Variants in HMMR observed in about 807,000 individuals in gnomAD.
HMMR encodes the protein intracellular hyaluronic acid-binding protein.
HMMR carries 108 observed loss-of-function variants against 101.0 expected under a neutral mutation model. The ratio of observed to expected loss-of-function variants is 1.07; its 90% CI spans 0.92 to 1.25. The LOEUF (loss-of-function observed/expected upper bound fraction) is 1.25. HMMR is among the 50% of genes most tolerant of loss of function. The probability of loss-of-function intolerance (pLI) is 0.00; values close to 1 mark genes in which losing one functional copy is unlikely to be tolerated. For synonymous variants in HMMR, 296 were observed against 276.4 expected (o/e 1.07, Z -0.70); for missense variants, 813 against 788.7 (o/e 1.03, Z -0.37).
chr5:163,490,624 C>A (rs1759662128), intron 17 of HMMR, 72 bp downstream of exon 17: 2 of 1,157,284 alleles, frequency 1.7e-6, no homozygotes, highest in African/African-American at 1.6e-5. Context: ...AGCAAGTCAT[C>A]CATTTTATGA....
chr5:163,471,039 G>T (rs1264189091), intron 5 of HMMR, 146 bp from the exon 6 acceptor site: 3 of 611,162 alleles, frequency 4.9e-6, no homozygotes, highest in Non-Finnish European at 8.7e-6. Flanking sequence ...TAATTATGGT[G>T]TAGGTCAAAG....
chr5:163,485,886 A>G (rs1759461030), intron 16 of HMMR, among the ~76,000 whole-genome samples: 1 of 152,196 alleles, frequency 6.6e-6, no homozygotes, highest in Non-Finnish European at 1.5e-5. Flanking sequence ...TAGTCCCCAC[A>G]CTATTTTTTA....
At chr5:163,461,786 G>GAA (rs902821024) in intron 1 of HMMR, among the ~76,000 whole-genome samples, 1 of 143,836 alleles carries the variant, frequency 7.0e-6, no homozygotes. Context: ...CTGTCTTACA[G>GAA]AAAAAAAAAA....
At chr5:163,487,717 T>C (rs1472517316) in intron 16 of HMMR, among the ~76,000 whole-genome samples, 3 of 152,142 alleles carry the variant, frequency 2.0e-5, no homozygotes, top group Non-Finnish European at 4.4e-5. Context: ...AGTATTCCTT[T>C]ATAATCTTTT....
At position 163,471,456 on chromosome 5, in the gene HMMR, GGAAAACTGTAAGTGAGT is replaced by G. The variant is rs1758889220; in HGVS notation, c.647_650+13del. 6.2e-7 allele frequency: 1 copy of G among 1,605,982 alleles called. No individual in the cohort carries two copies. The highest frequency in any genetic ancestry group is 8.5e-7 in the Non-Finnish European group (1 of 1,172,830). ...TCAAGGGAAAATAGCCCAACTGGAG[GGAAAACTGTAAGTGAGT>G]GAATGTGAAGAGAAATTGTTAAGTG... On this transcript the variant is annotated splice_donor_variant and splice_donor_5th_base_variant and coding_sequence_variant and intron_variant, in exon 7 of 18. Coordinates refer to ENST00000393915, the MANE Select transcript of HMMR (RefSeq NM_001142556.2). LOFTEE classifies it high-confidence loss of function.
Position 163,473,298 on chromosome 5 carries a change from C to T in HMMR, c.725+45C>T, listed in dbSNP as rs748077847. 7 of 1,468,566 alleles carry T rather than the reference C, an allele frequency of 4.8e-6. No individual in the cohort carries two copies. The African/African-American group carries it at 8.5e-5, about 18-fold the overall frequency. 91.0% of individuals were successfully genotyped at this position (1,468,566 alleles called of 1,614,324 possible). A position where few individuals can be genotyped will look rare whatever the true frequency, so the allele number is the denominator to read the frequency against. ...TAAATTGAACCTTATTTTTTTAATA[C>T]TCAGTCATTTTCATCATTTTTCTGT... On this transcript the variant is annotated intron_variant, in intron 8 of 17. Transcript: ENST00000393915.
intron 8 of HMMR, 57 bp downstream of exon 8, chr5:163,473,310 C>T: frequency 1.3e-6 from 2 of 1,492,028 alleles, no homozygotes; most frequent in Non-Finnish European, 1.9e-6. Flanking sequence ...CAGTCATTTT[C>T]ATCATTTTTC....
At position 163,476,141 on chromosome 5, in the gene HMMR, C is replaced by T. The variant is rs538937843; in HGVS notation, c.1268+469C>T. 1.3e-4 allele frequency among the ~76,000 whole-genome samples: 19 copies of T among 151,722 alleles called. No homozygotes were observed. In the South Asian group the frequency reaches 2.5e-3, roughly 20 times the overall value. On this transcript the variant is annotated intron_variant, in intron 11 of 17. Coordinates refer to ENST00000393915, the MANE Select transcript of HMMR (RefSeq NM_001142556.2). Reference sequence around the variant, plus strand: ...CAGCCTGTGCAATATAGTGAGACCTCGTCTCTACTAAAAATTAAAAAAAAA... The same window carrying T: ...CAGCCTGTGCAATATAGTGAGACCTTGTCTCTACTAAAAATTAAAAAAAAA...
chr5:163,472,725 T>C (rs1758937368), intron 7 of HMMR, among the ~76,000 whole-genome samples: 1 of 152,204 alleles, frequency 6.6e-6, no homozygotes, highest in Non-Finnish European at 1.5e-5. Flanking sequence ...TATGTGCATA[T>C]CACCTTTTGC....
Position 163,484,231 on chromosome 5 carries a change from A to G in HMMR, c.1948A>G (p.Ser650Gly), listed in dbSNP as rs1276734858. 2 of 1,590,030 alleles carry G rather than the reference A, an allele frequency of 1.3e-6. No homozygotes were observed. The highest frequency in any genetic ancestry group is 1.7e-6 in the Non-Finnish European group (2 of 1,166,590). Residue 650 changes from serine (S) to glycine (G), a missense_variant, in exon 16 of 18, where the codon AGC (serine) becomes GGC (glycine). Transcript: ENST00000393915. ...KHVVKLKDEN[S>G]QLKSEVSKLR... is the part of the protein sequence containing the mutation. The stretch of plus-strand genomic sequence containing the variant: ...TGTTGTGAAGTTGAAAGATGAAAAT[A>G]GCCAACTCAAATCGGTTTGTAAAAT...
At chr5:163,462,930 TCTTC>T in intron 1 of HMMR, among the ~76,000 whole-genome samples, 1 of 152,110 alleles carries the variant, frequency 6.6e-6, no homozygotes, top group African/African-American at 2.4e-5. Context: ...AGCTCCTTGC[TCTTC>T]CTATTTATTT....
rs1475826951 is a variant in HMMR, at chr5:163,490,271, T to C, written c.1963-119T>C. On this transcript the variant is annotated intron_variant, in intron 16 of 17. Coordinates refer to ENST00000393915, the MANE Select transcript of HMMR (RefSeq NM_001142556.2). ...TTAAAGCCTGTGTCTAGTAGTGATT[T>C]TTGCTGTTGAGTGTGATAATACATA... 4.8e-6 allele frequency: 3 copies of C among 620,134 alleles called. No individual in the cohort carries two copies. In the Admixed American group the frequency reaches 9.7e-5, roughly 20 times the overall value. 38.4% of individuals were successfully genotyped at this position (620,134 alleles called of 1,614,324 possible).
intron 16 of HMMR, among the ~76,000 whole-genome samples, chr5:163,485,590 C>A (rs779477575): frequency 3.9e-5 from 6 of 152,202 alleles, no homozygotes; most frequent in African/African-American, 1.4e-4. Flanking sequence ...GTATTATTTG[C>A]GAATATCTTC....
intron 15 of HMMR, 67 bp from the exon 16 acceptor site, chr5:163,484,002 G>A (rs1581200864): frequency 2.2e-6 from 2 of 892,274 alleles, no homozygotes; most frequent in East Asian, 2.6e-5. Context: ...TAGTGTTTAT[G>A]GTTTATATGA....
intron 16 of HMMR, among the ~76,000 whole-genome samples, chr5:163,485,681 T>C (rs1049975354): frequency 1.3e-5 from 2 of 152,188 alleles, no homozygotes; most frequent in South Asian, 2.1e-4. Context: ...AGTGTGTCTA[T>C]TTTTTTGTTT....
At position 163,491,210 on chromosome 5, in the gene HMMR, A is replaced by G. The variant is rs1400563823; in HGVS notation, c.*46A>G. On this transcript the variant is annotated 3_prime_UTR_variant, in exon 18 of 18. Coordinates refer to ENST00000393915, the MANE Select transcript of HMMR (RefSeq NM_001142556.2). ...AGATTATTTCATTCGTCTTGTTGTT[A>G]TTGATGTTGCTGTTATTATATTTGA... is the stretch of plus-strand genomic sequence containing the variant. 2 of 1,063,872 alleles carry G rather than the reference A, an allele frequency of 1.9e-6. No homozygotes were observed. Among genetic ancestry groups the G allele is most frequent in the Admixed American group, 4.8e-5 (2 of 41,948 alleles). The allele number at this position is 1,063,872 out of a possible 1,614,324, so 65.9% of individuals were successfully genotyped here.
rs188391437 is a variant in HMMR at position 163,483,963 on chromosome 5, T to G, written c.1786-106T>G. On this transcript the variant is annotated intron_variant, in intron 15 of 17. Transcript: ENST00000393915. ...AGCCCTGAGAATATGTGAACATACC[T>G]TGTTTTCATTTGTGTTTTTAATTTT... 209 of 625,296 alleles carry G rather than the reference T, an allele frequency of 3.3e-4. No individual in the cohort carries two copies. The African/African-American group carries it at 3.8e-3, about 11-fold the overall frequency. 38.7% of individuals were successfully genotyped at this position (625,296 alleles called of 1,614,324 possible).
chr5:163,461,454 A>G (rs1581184128), intron 1 of HMMR, among the ~76,000 whole-genome samples: 1 of 152,166 alleles, frequency 6.6e-6, no homozygotes, highest in Non-Finnish European at 1.5e-5. Context: ...TGCACAGCAC[A>G]GTAACCAGGA....
chr5:163,464,640 C>CA (rs1758642716), intron 2 of HMMR, 83 bp from the exon 3 acceptor site: 3 of 948,424 alleles, frequency 3.2e-6, no homozygotes, highest in South Asian at 1.4e-5. Context: ...AAGAGAAAGA[C>CA]AAAAAAATTT....
Sources: allele counts gnomAD v4.1 joint callset (sites outside exome capture counted in the v4.1 genomes callset), GRCh38; gene constraint gnomAD v4.1.1; transcripts MANE v1.5; gene names NCBI Gene and HGNC (gene_info 2026-07-23, HGNC 2026-07-21).